XKR6: variants seen among roughly 807,000 people sequenced by gnomAD.
XKR6 encodes the protein XK-related protein 6.
In XKR6, 22 loss-of-function variants were observed where a neutral mutation model predicts 56.7. That is an observed-to-expected ratio of 0.39 (90% CI 0.28 to 0.55). XKR6 has a LOEUF of 0.55. Ranked by LOEUF, XKR6 falls within the 20% of genes least tolerant of loss-of-function variation. The pLI is 0.66. For missense variants in XKR6, 852 were observed against 889.0 expected, an observed-to-expected ratio of 0.96 and a Z score of 0.53; for synonymous variants, 524 against 387.8, an observed-to-expected ratio of 1.35 and a Z score of -4.13.
At chr8:11,170,605 T>C (rs1238270532) in intron 1 of XKR6, among the ~76,000 whole-genome samples, 1 of 152,220 alleles carries the variant, frequency 6.6e-6, no homozygotes, top group African/African-American at 2.4e-5. Context: ...ATTAAAAATG[T>C]GCTAAAATTA....
intron 1 of XKR6, among the ~76,000 whole-genome samples, chr8:10,941,111 T>C (rs1801373786): frequency 6.6e-6 from 1 of 152,054 alleles, no homozygotes; most frequent in Non-Finnish European, 1.5e-5. Context: ...CCTTTCCCAC[T>C]GCCTTATGAC....
chr8:11,131,113 A>T lies in XKR6; in HGVS notation c.764+69463T>A, dbSNP rs1019411511. ...CCTTGTTCACAGCCACAATAACCTC[A>T]ATGCAAAAAAACACTCTAAATACTT... On this transcript the variant is annotated intron_variant, in intron 1 of 2. Coordinates refer to ENST00000416569, the MANE Select transcript of XKR6 (RefSeq NM_173683.4). 7.9e-5 allele frequency among the ~76,000 whole-genome samples: 12 copies of T among 152,144 alleles called. 1 individual carries two copies. Among genetic ancestry groups the T allele is most frequent in the African/African-American group, 2.7e-4 (11 of 41,396 alleles).
intron 1 of XKR6, among the ~76,000 whole-genome samples, chr8:11,081,447 T>C (rs905451189): frequency 2.0e-5 from 3 of 152,246 alleles, no homozygotes; most frequent in African/African-American, 7.2e-5. Context: ...ATCACAAATA[T>C]ATTTGGCCCA....
intron 1 of XKR6, among the ~76,000 whole-genome samples, chr8:11,006,544 C>A (rs938593369): frequency 1.3e-5 from 2 of 152,200 alleles, no homozygotes; most frequent in Non-Finnish European, 1.5e-5. Flanking sequence ...TAGAGTAAGG[C>A]ATCTGTAGAT....
chr8:10,995,883 T>A (rs767351093), intron 1 of XKR6, among the ~76,000 whole-genome samples: 4 of 152,136 alleles, frequency 2.6e-5, no homozygotes, highest in African/African-American at 4.8e-5. Context: ...CATGGTGAGA[T>A]GAGGCCTGAG....
At chr8:11,015,648 G>C (rs1420011713) in intron 1 of XKR6, among the ~76,000 whole-genome samples, 1 of 152,178 alleles carries the variant, frequency 6.6e-6, no homozygotes, top group Admixed American at 6.5e-5. Context: ...CTGCGTTCGG[G>C]ACCCAGCGCC....
chr8:11,180,681 G>T (rs1319266025), intron 1 of XKR6, among the ~76,000 whole-genome samples: 1 of 152,118 alleles, frequency 6.6e-6, no homozygotes, highest in Non-Finnish European at 1.5e-5. Context: ...CAGGTGGGAG[G>T]AATGCTTGGG....
Position 11,148,965 on chromosome 8 carries a change from A to G in XKR6, c.764+51611T>C, listed in dbSNP as rs115644734. Among the ~76,000 whole-genome samples the G allele has an allele frequency of 5.8e-3, 888 of 152,362 alleles. 11 individuals are homozygous for G. Among genetic ancestry groups the G allele is most frequent in the African/African-American group, 0.021 (857 of 41,586 alleles). On this transcript the variant is annotated intron_variant, in intron 1 of 2. Coordinates refer to ENST00000416569, the MANE Select transcript of XKR6 (RefSeq NM_173683.4). Reference sequence around the variant, plus strand: ...TCAACGTAAGATTCCAGAAATGGCAAACTAATGTATGATGAAAGAAATATC... The same window carrying G: ...TCAACGTAAGATTCCAGAAATGGCAGACTAATGTATGATGAAAGAAATATC...
intron 1 of XKR6, among the ~76,000 whole-genome samples, chr8:11,073,330 A>G (rs1040466882): frequency 6.6e-6 from 1 of 152,104 alleles, no homozygotes; most frequent in Non-Finnish European, 1.5e-5. Context: ...ATGTGCTAGG[A>G]ACTACATTGG....
intron 1 of XKR6, among the ~76,000 whole-genome samples, chr8:10,971,214 G>A (rs180808331): frequency 1.5e-3 from 224 of 152,068 alleles, no homozygotes; most frequent in Admixed American, 0.013. Context: ...GAGGTCAGGA[G>A]ATCAAGATCA....
At chr8:11,086,151 T>A (rs1277726166) in intron 1 of XKR6, among the ~76,000 whole-genome samples, 26 of 148,348 alleles carry the variant, frequency 1.8e-4, no homozygotes, top group African/African-American at 5.5e-4. Context: ...TATATATATT[T>A]TTTTTTAAAA....
intron 1 of XKR6, among the ~76,000 whole-genome samples, chr8:11,059,393 G>C (rs954295484): frequency 7.9e-5 from 12 of 152,228 alleles, no homozygotes. Context: ...AACTGGAGCC[G>C]GGCTGGCGCC....
chr8:10,947,205 C>T (rs1801577805), intron 1 of XKR6, among the ~76,000 whole-genome samples: 1 of 151,988 alleles, frequency 6.6e-6, no homozygotes. Flanking sequence ...CTCTCAGTGG[C>T]AGAGGAAAAG....
chr8:11,043,331 T>C (rs1188399899), intron 1 of XKR6, among the ~76,000 whole-genome samples: 1 of 152,110 alleles, frequency 6.6e-6, no homozygotes, highest in African/African-American at 2.4e-5. Context: ...GCTCACATGC[T>C]TGGAGCTAAG....
At chr8:11,174,833 G>T (rs993365107) in intron 1 of XKR6, among the ~76,000 whole-genome samples, 7 of 152,168 alleles carry the variant, frequency 4.6e-5, no homozygotes, top group African/African-American at 1.4e-4. Context: ...GAGAACGGAT[G>T]ATCAACGGAC....
At chr8:10,913,656 C>G (rs151141210) in intron 2 of XKR6, among the ~76,000 whole-genome samples, 2 of 152,320 alleles carry the variant, frequency 1.3e-5, no homozygotes, top group African/African-American at 4.8e-5. Context: ...GGACCTGCCC[C>G]GGTGCACTCA....
intron 1 of XKR6, among the ~76,000 whole-genome samples, chr8:11,040,047 C>T (rs1799246340): frequency 6.6e-6 from 1 of 152,192 alleles, no homozygotes; most frequent in Admixed American, 6.5e-5. Context: ...GCCTCCCTCA[C>T]CGTCGGGAGG....
At chr8:11,094,705 T>C (rs951213938) in intron 1 of XKR6, among the ~76,000 whole-genome samples, 1 of 152,104 alleles carries the variant, frequency 6.6e-6, no homozygotes, top group African/African-American at 2.4e-5. Flanking sequence ...ACACCTATCA[T>C]CCTCACAGAC....
intron 1 of XKR6, among the ~76,000 whole-genome samples, chr8:11,127,875 C>T (rs551464260): frequency 1.3e-5 from 2 of 152,290 alleles, no homozygotes; most frequent in South Asian, 4.1e-4. Flanking sequence ...TGACGTTAAC[C>T]AGTTGAAATT....
Sources: gnomAD v4.1 joint callset for allele counts (sites outside exome capture counted in the v4.1 genomes callset) on GRCh38, gnomAD v4.1.1 for gene constraint, MANE v1.5 for transcripts, NCBI Gene and HGNC (gene_info 2026-07-23, HGNC 2026-07-21) for gene names.